SIPA1L3: variants seen among roughly 807,000 people sequenced by gnomAD.
SIPA1L3 encodes signal-induced proliferation-associated 1-like protein 3.
A neutral mutation model predicts 150.1 loss-of-function variants in SIPA1L3; 59 were observed. That is an observed-to-expected ratio of 0.39 (90% confidence interval 0.32 to 0.49). The LOEUF is 0.49. Among genes scored for constraint, SIPA1L3 ranks in the 20% least tolerant of loss-of-function variants. The pLI is 0.86. For missense variants in SIPA1L3, 2,211 were observed against 2,489.5 expected, an observed-to-expected ratio of 0.89 and a Z score of 2.38; for synonymous variants, 1,070 against 1,077.6, an observed-to-expected ratio of 0.99 and a Z score of 0.14.
chr19:38,199,383 C>A (rs535910202), intron 19 of SIPA1L3, among the ~76,000 whole-genome samples: 5 of 152,252 alleles, frequency 3.3e-5, no homozygotes, highest in Admixed American at 6.5e-5. Context: ...CTGACCACTC[C>A]CCCGCAACCG....
At position 38,108,151 on chromosome 19, in the gene SIPA1L3, G is replaced by C. The variant is rs149446948; in HGVS notation, c.2133+1511G>C. ...ATAATCGTAGTGCCCCTGAATCAGG[G>C]TCATTGAGAAAGGTCCATATACTCC... On this transcript the variant is annotated intron_variant, in intron 7 of 21. Coordinates refer to ENST00000222345, the MANE Select transcript of SIPA1L3 (RefSeq NM_015073.3). 8.2e-4 allele frequency among the ~76,000 whole-genome samples: 125 copies of C among 152,210 alleles called. 3 individuals are homozygous for C. In the East Asian group the frequency reaches 0.018, roughly 21 times the overall value.
intron 1 of SIPA1L3, among the ~76,000 whole-genome samples, chr19:38,019,434 C>T (rs1459085650): frequency 6.6e-6 from 1 of 152,202 alleles, no homozygotes; most frequent in African/African-American, 2.4e-5. Flanking sequence ...AAGCATAGTC[C>T]AGCTTTGCGT....
intron 1 of SIPA1L3, among the ~76,000 whole-genome samples, chr19:37,962,568 A>C (rs1229752654): frequency 6.7e-6 from 1 of 148,642 alleles, no homozygotes. Context: ...TCCTGGGCTC[A>C]AATGATTCTC....
chr19:38,110,448 G>C (rs1368627449), intron 8 of SIPA1L3, 64 bp downstream of exon 8: 11 of 1,502,490 alleles, frequency 7.3e-6, no homozygotes, highest in Non-Finnish European at 8.2e-6. Context: ...TGGCCCAAGT[G>C]GGTCCCAGTA....
At position 38,119,351 on chromosome 19, in the gene SIPA1L3, C is replaced by A; in HGVS notation, c.2337C>A (p.Pro779=). 1.9e-6 allele frequency: 3 copies of A among 1,614,210 alleles called. No individual in the cohort carries two copies. Among genetic ancestry groups the A allele is most frequent in the South Asian group, 1.1e-5 (1 of 91,080 alleles). The change falls in exon 9 of 22, where the codon CCC becomes CCA. Residue 779 remains proline, a synonymous_variant. Transcript: ENST00000222345. ...RSKDAPPFGP[P]IPSGTTFRKS... The stretch of plus-strand genomic sequence containing the variant: ...AAGACGCTCCTCCTTTCGGCCCCCC[C>A]ATCCCCAGTGGAACCACATTCCGCA...
chr19:37,927,728 G>T (rs1459462659), intron 1 of SIPA1L3, among the ~76,000 whole-genome samples: 3 of 144,026 alleles, frequency 2.1e-5, no homozygotes, highest in Non-Finnish European at 4.5e-5. Flanking sequence ...AGAACATGGG[G>T]TGTGTGTGTG....
At chr19:38,108,207 A>G (rs777018561) in intron 7 of SIPA1L3, among the ~76,000 whole-genome samples, 10 of 152,142 alleles carry the variant, frequency 6.6e-5, no homozygotes, top group Non-Finnish European at 1.5e-4. Context: ...AGGGCCCGAC[A>G]CACAGGAGGG....
chr19:38,203,156 C>T (rs1233878786), intron 20 of SIPA1L3, among the ~76,000 whole-genome samples: 4 of 152,182 alleles, frequency 2.6e-5, no homozygotes, highest in South Asian at 2.1e-4. Context: ...ACCTCCACCA[C>T]GAACGTAGGC....
At chr19:37,918,887 T>G (rs1441144021) in intron 1 of SIPA1L3, among the ~76,000 whole-genome samples, 2 of 144,902 alleles carry the variant, frequency 1.4e-5, no homozygotes, top group Non-Finnish European at 3.0e-5. Context: ...AATAAATAAA[T>G]AAATAAATAA....
At chr19:37,920,422 C>T (rs546740718) in intron 1 of SIPA1L3, among the ~76,000 whole-genome samples, 18 of 152,196 alleles carry the variant, frequency 1.2e-4, no homozygotes, top group South Asian at 2.1e-4. Context: ...TAAGATATCT[C>T]GGATTTCCTT....
intron 4 of SIPA1L3, among the ~76,000 whole-genome samples, chr19:38,097,023 C>T (rs772109481): frequency 4.6e-5 from 7 of 152,186 alleles, no homozygotes; most frequent in Non-Finnish European, 7.3e-5. Context: ...ATATATGTAG[C>T]ATTCAGAGAA....
chr19:38,011,853 AGAT>A (rs57288056), intron 1 of SIPA1L3, among the ~76,000 whole-genome samples: 1,951 of 152,208 alleles, frequency 0.013, 45 homozygotes, highest in African/African-American at 0.045. Flanking sequence ...TTAGGATGAA[AGAT>A]GATGGTGGTG....
chr19:38,204,297 C>A, intron 21 of SIPA1L3, 89 bp downstream of exon 21: 2 of 1,005,580 alleles, frequency 2.0e-6, no homozygotes, highest in Non-Finnish European at 3.0e-6. Context: ...CCCCGCCATG[C>A]AGGACCCACC....
chr19:38,124,073 C>T (rs1424146261), intron 9 of SIPA1L3, among the ~76,000 whole-genome samples: 1 of 150,576 alleles, frequency 6.6e-6, no homozygotes, highest in Non-Finnish European at 1.5e-5. Flanking sequence ...CCTCACCTCC[C>T]GGACGGGGCG....
At chr19:37,982,849 C>T (rs187749905) in intron 1 of SIPA1L3, among the ~76,000 whole-genome samples, 10 of 152,236 alleles carry the variant, frequency 6.6e-5, no homozygotes, top group East Asian at 5.8e-4. Flanking sequence ...GAAAGAGGGA[C>T]GGGGTCAAGC....
intron 13 of SIPA1L3, among the ~76,000 whole-genome samples, chr19:38,160,073 G>A (rs1278942329): frequency 1.3e-5 from 2 of 151,972 alleles, no homozygotes; most frequent in Non-Finnish European, 2.9e-5. Flanking sequence ...GTGTAATGGC[G>A]CGATCTCGGC....
chr19:37,978,502 G>A (rs1967127229), intron 1 of SIPA1L3, among the ~76,000 whole-genome samples: 1 of 152,204 alleles, frequency 6.6e-6, no homozygotes, highest in Non-Finnish European at 1.5e-5. Context: ...GGCTCAGAGA[G>A]GGAAAATAAC....
chr19:37,977,291 A>G (rs942030064), intron 1 of SIPA1L3, among the ~76,000 whole-genome samples: 25 of 151,840 alleles, frequency 1.6e-4, no homozygotes, highest in African/African-American at 5.6e-4. Context: ...CAGCCTCCCA[A>G]GTAGCTGGGA....
chr19:38,085,974 C>T (rs1021964640), intron 3 of SIPA1L3, among the ~76,000 whole-genome samples: 3 of 151,874 alleles, frequency 2.0e-5, no homozygotes, highest in South Asian at 4.2e-4. Flanking sequence ...CCAGCCTGGG[C>T]GACAGAGTGA....
Sources: gnomAD v4.1 joint callset for allele counts (sites outside exome capture counted in the v4.1 genomes callset) on GRCh38, gnomAD v4.1.1 for gene constraint, MANE v1.5 for transcripts, NCBI Gene and HGNC (gene_info 2026-07-23, HGNC 2026-07-21) for gene names.